Variants in FBXW11 observed in about 807,000 individuals in gnomAD.
The protein encoded by FBXW11 is F-box/WD repeat-containing protein 11.
FBXW11 carries 19 observed loss-of-function variants against 77.6 expected under a neutral mutation model. That is an observed-to-expected ratio of 0.24 (90% CI 0.17 to 0.36). The LOEUF (loss-of-function observed/expected upper bound fraction) is 0.36. Among genes scored for constraint, FBXW11 ranks in the 10% least tolerant of loss-of-function variants. The pLI is 1.00. For synonymous variants in FBXW11, 235 were observed against 249.4 expected (o/e 0.94, Z 0.54); for missense variants, 334 against 704.2 (o/e 0.47, Z 5.95).
chr5:171,919,163 T>C (rs904819463), intron 2 of FBXW11, among the ~76,000 whole-genome samples: 3 of 152,156 alleles, frequency 2.0e-5, no homozygotes, highest in Non-Finnish European at 4.4e-5. Flanking sequence ...TTATCAGTGG[T>C]TCTTTACTAG....
chr5:171,956,272 A>G (rs977480010), intron 2 of FBXW11, among the ~76,000 whole-genome samples: 1 of 152,216 alleles, frequency 6.6e-6, no homozygotes, highest in Non-Finnish European at 1.5e-5. Flanking sequence ...CCATTCCAAG[A>G]ACATTTTTGT....
At chr5:171,974,554 GCT>G (rs2113447349) in intron 1 of FBXW11, among the ~76,000 whole-genome samples, 1 of 151,532 alleles carries the variant, frequency 6.6e-6, no homozygotes, top group South Asian at 2.1e-4. Flanking sequence ...ATTTCTTGAA[GCT>G]AAAAAAAAAA....
intron 4 of FBXW11, among the ~76,000 whole-genome samples, chr5:171,900,701 A>C (rs1236401764): frequency 6.6e-6 from 1 of 152,186 alleles, no homozygotes; most frequent in Non-Finnish European, 1.5e-5. Flanking sequence ...ATTGTGCTTA[A>C]ATGTATTTTT....
At chr5:171,993,165 T>C (rs1765842700) in intron 1 of FBXW11, among the ~76,000 whole-genome samples, 1 of 151,896 alleles carries the variant, frequency 6.6e-6, no homozygotes, top group African/African-American at 2.4e-5. Flanking sequence ...GGTGTCTCAG[T>C]CCCAGGCCAA....
intron 2 of FBXW11, among the ~76,000 whole-genome samples, chr5:171,919,114 G>A (rs185311245): frequency 2.5e-4 from 38 of 152,142 alleles, no homozygotes; most frequent in Non-Finnish European, 5.0e-4. Context: ...TCAGGGCTAC[G>A]TCCTGCTTGC....
chr5:171,877,832 C>G (rs1758202796), intron 8 of FBXW11, among the ~76,000 whole-genome samples, 179 bp downstream of exon 8: 1 of 152,180 alleles, frequency 6.6e-6, no homozygotes, highest in South Asian at 2.1e-4. Context: ...GAATAGAACA[C>G]CCTTAACAAA....
At chr5:171,931,347 C>T (rs1168877330) in intron 2 of FBXW11, among the ~76,000 whole-genome samples, 1 of 152,210 alleles carries the variant, frequency 6.6e-6, no homozygotes, top group Non-Finnish European at 1.5e-5. Context: ...GAATACAGAG[C>T]TAGGTCAATG....
chr5:172,006,123 CTT>C (rs1297142522), intron 1 of FBXW11, among the ~76,000 whole-genome samples: 2 of 152,190 alleles, frequency 1.3e-5, no homozygotes, highest in African/African-American at 2.4e-5. Context: ...AAAAAAATCC[CTT>C]TCTAAAAGAA....
At chr5:171,933,734 A>G (rs1762336836) in intron 2 of FBXW11, among the ~76,000 whole-genome samples, 1 of 152,244 alleles carries the variant, frequency 6.6e-6, no homozygotes, top group Non-Finnish European at 1.5e-5. Flanking sequence ...CCATGCAGTA[A>G]AGAAATAATA....
intron 1 of FBXW11, among the ~76,000 whole-genome samples, chr5:171,983,982 GA>G (rs796669672): frequency 3.2e-4 from 46 of 143,602 alleles, no homozygotes; most frequent in African/African-American, 4.3e-4. Flanking sequence ...ATAATGCATA[GA>G]AAAAAAAAAA....
intron 1 of FBXW11, among the ~76,000 whole-genome samples, chr5:171,983,704 AG>A: frequency 6.6e-6 from 1 of 152,280 alleles, no homozygotes; most frequent in East Asian, 1.9e-4. Flanking sequence ...CTGGTTTGAG[AG>A]CAGAGGAAAA....
chr5:171,886,576 A>C (rs1000055208), intron 7 of FBXW11, among the ~76,000 whole-genome samples: 2 of 151,474 alleles, frequency 1.3e-5, no homozygotes, highest in Non-Finnish European at 3.0e-5. Context: ...GTATAATAAA[A>C]AATAAATAAA....
intron 2 of FBXW11, among the ~76,000 whole-genome samples, chr5:171,920,610 G>A (rs557284649): frequency 6.6e-6 from 1 of 151,894 alleles, no homozygotes; most frequent in Admixed American, 6.6e-5. Context: ...AGGAGGCCAA[G>A]GCAAGAGGAT....
intron 1 of FBXW11, among the ~76,000 whole-genome samples, chr5:171,965,881 G>A (rs982744875): frequency 6.6e-6 from 1 of 152,072 alleles, no homozygotes; most frequent in African/African-American, 2.4e-5. Flanking sequence ...CCTGGTAGGA[G>A]GTGGTTGACT....
intron 9 of FBXW11, among the ~76,000 whole-genome samples, chr5:171,875,835 G>A (rs1265619245): frequency 1.3e-5 from 2 of 152,072 alleles, no homozygotes; most frequent in African/African-American, 4.8e-5. Flanking sequence ...ACCGCACTGC[G>A]AGTCCTCAAA....
chr5:171,975,924 A>G (rs999326683), intron 1 of FBXW11, among the ~76,000 whole-genome samples: 1 of 152,204 alleles, frequency 6.6e-6, no homozygotes, highest in Non-Finnish European at 1.5e-5. Context: ...AAGTTTGGGA[A>G]ATGTTGGGAA....
intron 2 of FBXW11, among the ~76,000 whole-genome samples, chr5:171,930,748 A>T (rs1480962191): frequency 8.5e-5 from 4 of 47,186 alleles, no homozygotes; most frequent in East Asian, 1.0e-3. Context: ...AATAAAAAAT[A>T]AAAAATAAAA....
chr5:171,966,901 CCAAA>C (rs1764222191), intron 1 of FBXW11, among the ~76,000 whole-genome samples: 1 of 152,174 alleles, frequency 6.6e-6, no homozygotes, highest in Non-Finnish European at 1.5e-5. Flanking sequence ...CCACCTCTGG[CCAAA>C]CAAGCAGCTG....
intron 2 of FBXW11, among the ~76,000 whole-genome samples, chr5:171,921,344 C>T (rs1268103981): frequency 1.3e-5 from 2 of 152,152 alleles, no homozygotes; most frequent in African/African-American, 2.4e-5. Flanking sequence ...GAATCAATTT[C>T]CTGCTTTAAA....
Sources: gnomAD v4.1 joint callset for allele counts (sites outside exome capture counted in the v4.1 genomes callset) on GRCh38, gnomAD v4.1.1 for gene constraint, MANE v1.5 for transcripts, NCBI Gene and HGNC (gene_info 2026-07-23, HGNC 2026-07-21) for gene names.